PTPN3: variants seen among roughly 807,000 people sequenced by gnomAD.
The protein encoded by PTPN3 is tyrosine-protein phosphatase non-receptor type 3.
In PTPN3, 96 loss-of-function variants were observed where a neutral mutation model predicts 132.7. That is an observed-to-expected ratio of 0.72 (90% CI 0.61 to 0.86). The LOEUF (loss-of-function observed/expected upper bound fraction) is 0.86. Among genes scored for constraint, PTPN3 ranks in the 40% least tolerant of loss-of-function variants. PTPN3 has a pLI of 0.00. For missense variants in PTPN3, 1,125 were observed against 1,159.6 expected, an observed-to-expected ratio of 0.97 and a Z score of 0.43; for synonymous variants, 398 against 429.0, an observed-to-expected ratio of 0.93 and a Z score of 0.89.
intron 1 of PTPN3, among the ~76,000 whole-genome samples, chr9:109,483,282 C>A (rs1167307436): frequency 6.6e-6 from 1 of 152,202 alleles, no homozygotes; most frequent in Non-Finnish European, 1.5e-5. Context: ...ATAGCTGGGC[C>A]TCCTGTCCAC....
rs371956340 is a variant in PTPN3, at chr9:109,417,017, T to C, written c.1313+3407A>G. ...TTTAGGGAACATTCTCTCCCTTTTA[T>C]CTGGGTGGAGAGTGGTAGCTTTTTC... On this transcript the variant is annotated intron_variant, in intron 14 of 25. Coordinates refer to ENST00000374541, the MANE Select transcript of PTPN3 (RefSeq NM_002829.4). Among the ~76,000 whole-genome samples, 86 of 152,368 alleles carry C rather than the reference T, an allele frequency of 5.6e-4. No individual in the cohort carries two copies. In the South Asian group the frequency reaches 6.2e-3, roughly 11 times the overall value.
chr9:109,391,874 G>GT lies in PTPN3; in HGVS notation c.1954-314_1954-313insA, dbSNP rs953527422. Among the ~76,000 whole-genome samples the GT allele has an allele frequency of 4.7e-5, 5 of 105,780 alleles. 1 individual carries two copies. The highest frequency in any genetic ancestry group is 9.8e-5 in the Non-Finnish European group (5 of 51,066). 69.4% of individuals were successfully genotyped at this position (105,780 alleles called of 152,430 possible). A position where few individuals can be genotyped will look rare whatever the true frequency, so the allele number is the denominator to read the frequency against. On this transcript the variant is annotated intron_variant, in intron 19 of 25. Transcript: ENST00000374541. ...AGAGCTAAAAGCAACTAGATGTGGG[G>GT]GGGGGGGGGAAGAATTCTGGCTCAA...
At chr9:109,523,541 C>A in the PTPN3 span, among the ~76,000 whole-genome samples, 1 of 152,262 alleles carries the variant, frequency 6.6e-6, no homozygotes, top group Non-Finnish European at 1.5e-5. Context: ...GCATATTTCC[C>A]AAGGACTCCT....
intron 18 of PTPN3, among the ~76,000 whole-genome samples, chr9:109,405,451 T>C (rs756863005): frequency 1.1e-4 from 17 of 152,198 alleles, no homozygotes; most frequent in Non-Finnish European, 2.4e-4. Context: ...TTTACAGCTG[T>C]GCACGGTGTT....
At chr9:109,528,175 G>A in the PTPN3 span, among the ~76,000 whole-genome samples, 1 of 152,106 alleles carries the variant, frequency 6.6e-6, no homozygotes, top group Admixed American at 6.5e-5. Flanking sequence ...TCAATTATTG[G>A]ACAGTATTTA....
chr9:109,412,522 C>T (rs1004940126), intron 14 of PTPN3, among the ~76,000 whole-genome samples: 15 of 152,158 alleles, frequency 9.9e-5, no homozygotes, highest in African/African-American at 3.1e-4. Context: ...TACAGGTGCC[C>T]GCCACCACAC....
intron 10 of PTPN3, among the ~76,000 whole-genome samples, chr9:109,430,967 G>A (rs1448165676): frequency 6.6e-6 from 1 of 152,236 alleles, no homozygotes; most frequent in East Asian, 1.9e-4. Flanking sequence ...ATCCTGGTGA[G>A]TGCCTTACCC....
intron 21 of PTPN3, among the ~76,000 whole-genome samples, chr9:109,390,739 G>A (rs1267679796): frequency 6.6e-6 from 1 of 152,040 alleles, no homozygotes; most frequent in Non-Finnish European, 1.5e-5. Context: ...TGGCTTATAT[G>A]TACAGAGGAG....
chr9:109,408,781 T>TAAA (rs768982568), intron 16 of PTPN3, among the ~76,000 whole-genome samples: 25 of 62,150 alleles, frequency 4.0e-4, no homozygotes, highest in African/African-American at 1.0e-3. Flanking sequence ...TTATAATAAT[T>TAAA]AAAAAAAAAA....
the PTPN3 span, chr9:109,534,465 T>C: frequency 1.6e-3 from 1,841 of 1,154,456 alleles, 15 homozygotes; most frequent in African/African-American, 0.027. Flanking sequence ...CCGCTACCGA[T>C]CGAACTCTTG....
At chr9:109,448,690 G>T in intron 6 of PTPN3, 121 bp downstream of exon 6, 1 of 961,772 alleles carries the variant, frequency 1.0e-6, no homozygotes, top group East Asian at 2.4e-5. Context: ...TGCTGTACAG[G>T]ATGCTTTGCA....
intron 1 of PTPN3, among the ~76,000 whole-genome samples, chr9:109,464,100 A>G (rs1321927906): frequency 6.6e-6 from 1 of 152,236 alleles, no homozygotes; most frequent in East Asian, 1.9e-4. Flanking sequence ...CACACCCACC[A>G]GAGAACCCCT....
intron 1 of PTPN3, among the ~76,000 whole-genome samples, chr9:109,469,400 C>T (rs1053590597): frequency 1.3e-5 from 2 of 152,164 alleles, no homozygotes; most frequent in African/African-American, 2.4e-5. Flanking sequence ...GGGCAGATCA[C>T]CTGAGGTCAG....
intron 12 of PTPN3, among the ~76,000 whole-genome samples, chr9:109,424,197 A>G (rs756556994): frequency 3.3e-5 from 5 of 152,280 alleles, no homozygotes; most frequent in Admixed American, 6.5e-5. Context: ...TAACCCAACA[A>G]ATTTCTTTTT....
At chr9:109,533,594 C>T in the PTPN3 span, 4 of 1,575,024 alleles carry the variant, frequency 2.5e-6, no homozygotes, top group East Asian at 2.2e-5. Context: ...AGGGCCCCTG[C>T]GGAATCGTGG....
the PTPN3 span, chr9:109,534,325 C>T: frequency 4.6e-6 from 7 of 1,520,752 alleles, no homozygotes; most frequent in Non-Finnish European, 6.1e-6. Context: ...CTCGGCCTCG[C>T]TGCTCAAGGT....
At chr9:109,483,848 A>G (rs1588499971) in intron 1 of PTPN3, among the ~76,000 whole-genome samples, 1 of 152,094 alleles carries the variant, frequency 6.6e-6, no homozygotes, top group East Asian at 1.9e-4. Context: ...CTTCTCCTCC[A>G]CAAGGCTCCC....
At chr9:109,403,506 T>C (rs1841316249) in intron 19 of PTPN3, among the ~76,000 whole-genome samples, 2 of 152,186 alleles carry the variant, frequency 1.3e-5, no homozygotes, top group Non-Finnish European at 2.9e-5. Context: ...TTATTTCTTT[T>C]ATTACAGGAA....
intron 7 of PTPN3, among the ~76,000 whole-genome samples, chr9:109,440,678 T>C (rs1339299015): frequency 6.6e-6 from 1 of 152,212 alleles, no homozygotes; most frequent in East Asian, 1.9e-4. Flanking sequence ...TTGGTTTCAT[T>C]AGCTCATGGA....
Sources: gnomAD v4.1 joint callset for allele counts (sites outside exome capture counted in the v4.1 genomes callset) on GRCh38, gnomAD v4.1.1 for gene constraint, MANE v1.5 for transcripts, NCBI Gene and HGNC (gene_info 2026-07-23, HGNC 2026-07-21) for gene names.